Variants in TSC22D2 observed in about 807,000 individuals in gnomAD.
TSC22D2 encodes the protein TSC22 domain family protein 2.
TSC22D2 carries 5 observed loss-of-function variants against 50.1 expected under a neutral mutation model. The ratio of observed to expected loss-of-function variants is 0.10; its 90% CI spans 0.05 to 0.21. The LOEUF is 0.21. TSC22D2 is among the 10% of genes least tolerant of loss of function. The pLI is 1.00. For synonymous variants in TSC22D2, 501 were observed against 450.1 expected, an observed-to-expected ratio of 1.11 and a Z score of -1.43; for missense variants, 1,003 against 1,015.5, an observed-to-expected ratio of 0.99 and a Z score of 0.17.
At chr3:150,426,418 A>G (rs1720193024) in intron 1 of TSC22D2, among the ~76,000 whole-genome samples, 1 of 152,192 alleles carries the variant, frequency 6.6e-6, no homozygotes, top group Non-Finnish European at 1.5e-5. Context: ...CCTGATGATC[A>G]CTGGGGAGCG....
intron 1 of TSC22D2, among the ~76,000 whole-genome samples, chr3:150,435,825 A>G (rs1306545869): frequency 6.6e-6 from 1 of 152,042 alleles, no homozygotes; most frequent in African/African-American, 2.4e-5. Context: ...CCTTCTCACA[A>G]AAGGAAATGA....
intron 1 of TSC22D2, 106 bp downstream of exon 1, chr3:150,411,414 T>A: frequency 8.0e-7 from 1 of 1,249,920 alleles, no homozygotes; most frequent in Non-Finnish European, 1.1e-6. Flanking sequence ...TTAGCATTTT[T>A]AAATACAAAA....
At chr3:150,456,185 T>G (rs938655659) in intron 1 of TSC22D2, among the ~76,000 whole-genome samples, 18 of 147,392 alleles carry the variant, frequency 1.2e-4, no homozygotes, top group South Asian at 1.0e-3. Flanking sequence ...TTTTTGTTTT[T>G]TTTTTTTTTG....
At chr3:150,449,264 G>T (rs1486869292) in intron 1 of TSC22D2, among the ~76,000 whole-genome samples, 1 of 151,946 alleles carries the variant, frequency 6.6e-6, no homozygotes, top group East Asian at 1.9e-4. Context: ...TCTGCCATTT[G>T]TTCATGTCTG....
At chr3:150,452,436 ACT>A (rs1379725847) in intron 1 of TSC22D2, among the ~76,000 whole-genome samples, 4 of 150,340 alleles carry the variant, frequency 2.7e-5, no homozygotes, top group Non-Finnish European at 4.4e-5. Context: ...CGAGAGTGAA[ACT>A]CTGTCTCAAA....
chr3:150,418,251 C>A (rs1365468240), intron 1 of TSC22D2, among the ~76,000 whole-genome samples: 1 of 151,792 alleles, frequency 6.6e-6, no homozygotes, highest in Non-Finnish European at 1.5e-5. Flanking sequence ...CCTCCTAGAT[C>A]TCAGGCATTT....
At chr3:150,437,970 T>C (rs753113745) in intron 1 of TSC22D2, among the ~76,000 whole-genome samples, 2 of 152,146 alleles carry the variant, frequency 1.3e-5, no homozygotes, top group South Asian at 4.1e-4. Flanking sequence ...CTTAAACCTT[T>C]AATTGGTTCC....
intron 1 of TSC22D2, among the ~76,000 whole-genome samples, chr3:150,428,300 G>A (rs993818225): frequency 1.3e-5 from 2 of 152,050 alleles, no homozygotes; most frequent in African/African-American, 2.4e-5. Flanking sequence ...CAGTAGTTTA[G>A]TTTGTAGTTC....
In TSC22D2 at chr3:150,419,443, A is replaced by G. The variant is rs541663338; in HGVS notation, c.1958+8135A>G. Among the ~76,000 whole-genome samples, 4 of 152,170 alleles carry G rather than the reference A, an allele frequency of 2.6e-5. No individual in the cohort carries two copies. The South Asian group carries it at 6.2e-4, about 24-fold the overall frequency. On this transcript the variant is annotated intron_variant, in intron 1 of 2. Coordinates refer to ENST00000688009, the MANE Select transcript of TSC22D2 (RefSeq NM_001303264.2). Reference sequence around the variant, plus strand: ...AATCATTTAAATTCCCCAGATAATAATACTGGAGATGGTGCTTGTTGATGT... The same window carrying G: ...AATCATTTAAATTCCCCAGATAATAGTACTGGAGATGGTGCTTGTTGATGT...
At chr3:150,445,491 A>ACCTGTTT (rs1313841444) in intron 1 of TSC22D2, among the ~76,000 whole-genome samples, 5 of 152,088 alleles carry the variant, frequency 3.3e-5, no homozygotes, top group Admixed American at 2.6e-4. Context: ...TTTGGGTGAA[A>ACCTGTTT]CATAAATATA....
Position 150,410,218 on chromosome 3 carries a change from G to C in TSC22D2, c.868G>C (p.Ala290Pro). 6.3e-7 allele frequency: 1 copy of C among 1,581,004 alleles called. No homozygotes were observed. Among genetic ancestry groups the C allele is most frequent in the East Asian group, 2.3e-5 (1 of 43,052 alleles). Residue 290 changes from alanine to proline, a missense_variant, in exon 1 of 3, where the codon GCT (alanine) becomes CCT (proline). Transcript: ENST00000688009. ...PVGGAVAQSSAPLPPFPGAAT... is the reference protein window; with the variant it reads ...PVGGAVAQSSPPLPPFPGAAT... ...AGGTGGGGCTGTGGCTCAAAGCTCG[G>C]CTCCGCTGCCGCCGTTCCCGGGAGC...
chr3:150,423,304 A>G (rs1356493846), intron 1 of TSC22D2: 1 of 417,374 alleles, frequency 2.4e-6, no homozygotes, highest in African/African-American at 2.1e-5. Flanking sequence ...TAGAAAATAA[A>G]CATACTTTTC....
At chr3:150,413,116 T>G (rs1332637133) in intron 1 of TSC22D2, among the ~76,000 whole-genome samples, 1 of 152,220 alleles carries the variant, frequency 6.6e-6, no homozygotes, top group African/African-American at 2.4e-5. Flanking sequence ...TGATAAGGCA[T>G]GAAGCAGAGA....
intron 1 of TSC22D2, among the ~76,000 whole-genome samples, chr3:150,444,341 TTCTG>T (rs908369652): frequency 1.2e-4 from 19 of 152,348 alleles, no homozygotes; most frequent in African/African-American, 4.3e-4. Context: ...GTAAGTTGTA[TTCTG>T]TCTTTTTCTT....
Position 150,465,885 on chromosome 3 carries a change from G to C in TSC22D2, c.*7249G>C, listed in dbSNP as rs1721528215. 6.6e-6 allele frequency: 1 copy of C among 151,888 alleles called. No individual in the cohort carries two copies. The highest frequency in any genetic ancestry group is 1.5e-5 in the Non-Finnish European group (1 of 67,992). 9.4% of individuals were successfully genotyped at this position (151,888 alleles called of 1,614,324 possible). ...TGCCCATTAGTCATTTCTATTATCA[G>C]ATCATAAAAAAACATAGTACATAGA... On this transcript the variant is annotated 3_prime_UTR_variant, in exon 3 of 3. Transcript: ENST00000688009.
intron 1 of TSC22D2, among the ~76,000 whole-genome samples, chr3:150,437,358 T>C (rs1720578354): frequency 6.6e-6 from 1 of 152,138 alleles, no homozygotes; most frequent in African/African-American, 2.4e-5. Flanking sequence ...ATAAAGCACA[T>C]AATAAAATTT....
rs940622633 is a variant in TSC22D2 at position 150,409,682 on chromosome 3, G to C, written c.332G>C (p.Arg111Pro). ...AACGGAGGAGGAGTCGTTTCGGCCC[G>C]GAGCGTGTCTGGGGCGCTCGCCAGT... ...PANGGGVVSA[R>P]SVSGALASTL... is the part of the protein sequence containing the mutation. The change falls in exon 1 of 3, where the codon CGG becomes CCG. Residue 111 changes from arginine (R) to proline (P), a missense_variant. Coordinates refer to ENST00000688009, the MANE Select transcript of TSC22D2 (RefSeq NM_001303264.2). This position sits in a 1 kb window ranked among gnomAD's most constrained non-coding sequence, Gnocchi z 7.4. 1.3e-6 allele frequency: 2 copies of C among 1,591,794 alleles called. No individual in the cohort carries two copies. Among genetic ancestry groups the C allele is most frequent in the Non-Finnish European group, 1.7e-6 (2 of 1,170,022 alleles).
At chr3:150,451,474 T>C (rs1009883141) in intron 1 of TSC22D2, among the ~76,000 whole-genome samples, 10 of 152,236 alleles carry the variant, frequency 6.6e-5, no homozygotes, top group African/African-American at 1.2e-4. Context: ...GTTTAATCTT[T>C]GGATCCATGC....
rs1021932599 is a variant in TSC22D2, at chr3:150,463,577, T to C, written c.*4941T>C. On this transcript the variant is annotated 3_prime_UTR_variant, in exon 3 of 3. Transcript: ENST00000688009. ...CAAGATCCCTTTAAATGTATGGCTT[T>C]CCTTCATAGGTTGCAAGGATTACTT... 1 of 152,218 alleles carries C rather than the reference T, an allele frequency of 6.6e-6. No individual in the cohort carries two copies. Among genetic ancestry groups the C allele is most frequent in the Non-Finnish European group, 1.5e-5 (1 of 68,044 alleles). 9.4% of individuals were successfully genotyped at this position (152,218 alleles called of 1,614,324 possible).
Sources: gnomAD v4.1 joint callset for allele counts (sites outside exome capture counted in the v4.1 genomes callset) on GRCh38, gnomAD v4.1.1 for gene constraint, Gnocchi (gnomAD v3.1) non-coding constraint, MANE v1.5 for transcripts, NCBI Gene and HGNC (gene_info 2026-07-23, HGNC 2026-07-21) for gene names.